The following C5orf24 variants were observed in gnomAD, a reference collection of about 807,000 sequenced individuals.
C5orf24 encodes UPF0461 protein C5orf24.
A neutral mutation model predicts 9.8 loss-of-function variants in C5orf24; 4 were observed. The ratio of observed to expected loss-of-function variants is 0.41; its 90% CI spans 0.20 to 0.93. The LOEUF is 0.93. Ranked by LOEUF, C5orf24 falls within the 40% of genes least tolerant of loss-of-function variation. C5orf24 has a pLI of 0.33. For missense variants in C5orf24, 170 were observed against 236.9 expected (o/e 0.72, Z 1.85); for synonymous variants, 73 against 81.3 (o/e 0.90, Z 0.55).
Position 134,857,122 on chromosome 5 carries a change from G to T in C5orf24, c.*1655G>T. ...GTTACACATTTTATTTATTGAGTTT[G>T]TTCTAAATAAAATATTATAAACTTC... is the stretch of plus-strand genomic sequence containing the variant. On this transcript the variant is annotated 3_prime_UTR_variant, in exon 2 of 2. Transcript: ENST00000394976. 3.2e-6 allele frequency: 4 copies of T among 1,248,702 alleles called. No homozygotes were observed. The highest frequency in any genetic ancestry group is 4.1e-6 in the Non-Finnish European group (4 of 981,230). The allele number at this position is 1,248,702 out of a possible 1,614,324, so 77.4% of individuals were successfully genotyped here.
intron 1 of C5orf24, among the ~76,000 whole-genome samples, chr5:134,847,412 C>T (rs979502276): frequency 6.6e-6 from 1 of 152,056 alleles, no homozygotes; most frequent in Non-Finnish European, 1.5e-5. Flanking sequence ...TCTCCTGCCT[C>T]AGCCTCCCAA....
At chr5:134,848,602 G>A (rs1342779584) in intron 1 of C5orf24, among the ~76,000 whole-genome samples, 7 of 141,960 alleles carry the variant, frequency 4.9e-5, no homozygotes, top group Admixed American at 7.4e-5. Flanking sequence ...TGGAGGTTGC[G>A]GTAAGCCAAG....
intron 1 of C5orf24, among the ~76,000 whole-genome samples, chr5:134,848,509 G>A (rs1756059382): frequency 6.7e-6 from 1 of 148,422 alleles, no homozygotes; most frequent in Admixed American, 6.7e-5. Flanking sequence ...AAAAAAAAAA[G>A]TATAAAAATT....
At chr5:134,845,222 C>T (rs1435797808), upstream of C5orf24, among the ~76,000 whole-genome samples, 1 of 152,202 alleles carries the variant, frequency 6.6e-6, no homozygotes, top group African/African-American at 2.4e-5. Flanking sequence ...TGGCTCAGGG[C>T]TGTGCTTATG....
At chr5:134,841,336 T>C (rs1384766994), upstream of C5orf24, among the ~76,000 whole-genome samples, 2 of 152,038 alleles carry the variant, frequency 1.3e-5, no homozygotes, top group Non-Finnish European at 2.9e-5. Flanking sequence ...ACGCCTGTCA[T>C]CCCAGCACTT....
intron 1 of C5orf24, among the ~76,000 whole-genome samples, chr5:134,851,920 C>A (rs562047811): frequency 2.6e-4 from 40 of 152,236 alleles, no homozygotes; most frequent in African/African-American, 8.4e-4. Context: ...AGAATTTGAG[C>A]TAGTGAAATG....
In C5orf24 at chr5:134,859,008, A is replaced by C. The variant is rs2150178647; in HGVS notation, c.*3541A>C. Reference sequence around the variant, plus strand: ...ATGAACTAAGAATAGAGTTTCTTTGAGTTGAGGAGAAAAAAATATATATGT... The same window carrying C: ...ATGAACTAAGAATAGAGTTTCTTTGCGTTGAGGAGAAAAAAATATATATGT... On this transcript the variant is annotated 3_prime_UTR_variant, in exon 2 of 2. Coordinates refer to ENST00000394976, the MANE Select transcript of C5orf24 (RefSeq NM_001135586.1). 6.0e-6 allele frequency: 1 copy of C among 166,902 alleles called. No individual in the cohort carries two copies. The highest frequency in any genetic ancestry group is 1.9e-4 in the East Asian group (1 of 5,194). The allele number at this position is 166,902 out of a possible 1,614,324, so 10.3% of individuals were successfully genotyped here.
At chr5:134,836,393 G>A in the C5orf24 span, among the ~76,000 whole-genome samples, 1 of 152,040 alleles carries the variant, frequency 6.6e-6, no homozygotes, top group African/African-American at 2.4e-5. Context: ...GGCTGGTCTC[G>A]AACTCCTGAC....
intron 1 of C5orf24, among the ~76,000 whole-genome samples, chr5:134,849,423 T>TA (rs1386140452): frequency 6.6e-6 from 1 of 152,196 alleles, no homozygotes; most frequent in Non-Finnish European, 1.5e-5. Flanking sequence ...ATAGTGCTGA[T>TA]TCCCAACTTA....
rs542019070 is a variant in C5orf24, at chr5:134,856,510, G to A, written c.*1043G>A. 1.4e-3 allele frequency: 410 copies of A among 288,540 alleles called. 2 individuals are homozygous for A. The highest frequency in any genetic ancestry group is 1.9e-3 in the Non-Finnish European group (350 of 183,090). 17.9% of individuals were successfully genotyped at this position (288,540 alleles called of 1,614,324 possible). A position where few individuals can be genotyped will look rare whatever the true frequency, so the allele number is the denominator to read the frequency against. ...ATAAAAATTAGCCAGGCGTGGTGGC[G>A]GGCGCCTGTAATCCAAGCTACTGGG... On this transcript the variant is annotated 3_prime_UTR_variant, in exon 2 of 2. Transcript: ENST00000394976.
At chr5:134,850,930 A>G (rs1308661469) in intron 1 of C5orf24, among the ~76,000 whole-genome samples, 1 of 149,898 alleles carries the variant, frequency 6.7e-6, no homozygotes, top group Non-Finnish European at 1.5e-5. Flanking sequence ...ATATATATAT[A>G]TATATATACA....
upstream of C5orf24, among the ~76,000 whole-genome samples, chr5:134,844,918 A>C (rs1755952338): frequency 6.6e-6 from 1 of 152,024 alleles, no homozygotes; most frequent in African/African-American, 2.4e-5. Context: ...TCGTATTTTT[A>C]GTAGAGAAGG....
the C5orf24 span, among the ~76,000 whole-genome samples, chr5:134,838,057 A>C: frequency 6.6e-6 from 1 of 152,212 alleles, no homozygotes; most frequent in East Asian, 1.9e-4. Flanking sequence ...GACCAGTCTG[A>C]TCAATATAGG....
At position 134,854,526 on chromosome 5, in the gene C5orf24, A is replaced by G. The variant is rs536000548; in HGVS notation, c.-3-372A>G. ...CAAACTGAAAAAAAGAATTGTGTTA[A>G]TAAGAGTTCTTGGCTTTACTATTAT... On this transcript the variant is annotated intron_variant, in intron 1 of 1. Transcript: ENST00000394976. Among the ~76,000 whole-genome samples the G allele has an allele frequency of 5.2e-5, 8 of 152,386 alleles. No homozygotes were observed. The South Asian group carries it at 1.2e-3, about 24-fold the overall frequency.
chr5:134,839,313 T>C, the C5orf24 span, among the ~76,000 whole-genome samples: 10 of 152,340 alleles, frequency 6.6e-5, no homozygotes, highest in African/African-American at 2.2e-4. Context: ...ATTTCAATGA[T>C]TTCAGTGGAA....
chr5:134,857,655 C>A lies in C5orf24; in HGVS notation c.*2188C>A. 1 of 364,100 alleles carries A rather than the reference C, an allele frequency of 2.7e-6. No individual in the cohort carries two copies. The highest frequency in any genetic ancestry group is 5.0e-6 in the Non-Finnish European group (1 of 199,132). 22.6% of individuals were successfully genotyped at this position (364,100 alleles called of 1,614,324 possible). On this transcript the variant is annotated 3_prime_UTR_variant, in exon 2 of 2. Transcript: ENST00000394976. ...AGAACAGTATAACTTCTGACACACA[C>A]AAATGCTTGCCTCTTTATTCATATG...
rs576217895 is a variant in C5orf24, at chr5:134,853,853, C to T, written c.-3-1045C>T. ...ATCCCAACACTGTGGAAGGCCGAGG[C>T]GGGCAGATCACGAGGTCAGGAGTTC... is the stretch of plus-strand genomic sequence containing the variant. On this transcript the variant is annotated intron_variant, in intron 1 of 1. Coordinates refer to ENST00000394976, the MANE Select transcript of C5orf24 (RefSeq NM_001135586.1). Among the ~76,000 whole-genome samples, 11 of 152,234 alleles carry T rather than the reference C, an allele frequency of 7.2e-5. No individual in the cohort carries two copies. The South Asian group carries it at 8.3e-4, about 11-fold the overall frequency.
chr5:134,853,379 A>C (rs1347434900), intron 1 of C5orf24, among the ~76,000 whole-genome samples: 1 of 150,542 alleles, frequency 6.6e-6, no homozygotes, highest in East Asian at 2.0e-4. Flanking sequence ...AAAAAAAAAA[A>C]ACCTGTCATT....
the C5orf24 span, among the ~76,000 whole-genome samples, chr5:134,835,630 G>A: frequency 6.6e-6 from 1 of 152,220 alleles, no homozygotes; most frequent in African/African-American, 2.4e-5. Context: ...TTGGGTGACA[G>A]AGTAACTCCA....
Sources: allele counts gnomAD v4.1 joint callset (sites outside exome capture counted in the v4.1 genomes callset), GRCh38; gene constraint gnomAD v4.1.1; transcripts MANE v1.5; gene names NCBI Gene and HGNC (gene_info 2026-07-23, HGNC 2026-07-21).